The following CLPTM1L variants were observed in gnomAD, a reference collection of about 807,000 sequenced individuals.
The protein encoded by CLPTM1L is lipid scramblase CLPTM1L.
In CLPTM1L, 38 loss-of-function variants were observed where a neutral mutation model predicts 70.9. That is an observed-to-expected ratio of 0.54 (90% confidence interval 0.41 to 0.70). The LOEUF (loss-of-function observed/expected upper bound fraction) is 0.70. Ranked by LOEUF, CLPTM1L falls within the 30% of genes least tolerant of loss-of-function variation. The probability of loss-of-function intolerance (pLI) is 0.00; values close to 1 mark genes in which losing one functional copy is unlikely to be tolerated. For synonymous variants in CLPTM1L, 339 were observed against 299.9 expected (o/e 1.13, Z -1.35); for missense variants, 652 against 705.9 (o/e 0.92, Z 0.87).
chr5:1,339,523 G>A (rs58974658), intron 3 of CLPTM1L, among the ~76,000 whole-genome samples: 166 of 119,176 alleles, frequency 1.4e-3, no homozygotes, highest in African/African-American at 5.4e-3. Flanking sequence ...CAGGGTCAGC[G>A]CCCTAACCTG....
At chr5:1,327,610 T>TCCAGCTCCTCCTCTACAGACACATTCCAC (rs1561235505) in intron 9 of CLPTM1L, among the ~76,000 whole-genome samples, 5 of 148,236 alleles carry the variant, frequency 3.4e-5, no homozygotes, top group South Asian at 2.2e-4. Context: ...ACACATTTCA[T>TCCAGCTCCTCCTCTACAGACACATTCCAC]CCAGCTCCTC....
chr5:1,322,778 T>C, intron 13 of CLPTM1L, 99 bp downstream of exon 13: 1 of 1,276,808 alleles, frequency 7.8e-7, no homozygotes, highest in Middle Eastern at 1.9e-4. Flanking sequence ...TAGCCTCAAA[T>C]CACAGGGGGG....
intron 13 of CLPTM1L, among the ~76,000 whole-genome samples, chr5:1,322,488 T>C (rs1012121634): frequency 1.3e-5 from 2 of 152,218 alleles, no homozygotes; most frequent in African/African-American, 4.8e-5. Flanking sequence ...TGGTGTTGTT[T>C]TAATGCTTAG....
intron 7 of CLPTM1L, among the ~76,000 whole-genome samples, chr5:1,333,536 AG>A (rs1237396132): frequency 7.7e-6 from 1 of 130,144 alleles, no homozygotes; most frequent in African/African-American, 2.9e-5. Context: ...GATGAGGATA[AG>A]GGGGGACTAC....
chr5:1,333,675 G>T (rs1264278795), intron 7 of CLPTM1L, among the ~76,000 whole-genome samples: 2 of 102,938 alleles, frequency 1.9e-5, no homozygotes, highest in Non-Finnish European at 3.7e-5. Context: ...GAGGATAAGG[G>T]GGGACTACTG....
intron 15 of CLPTM1L, 58 bp downstream of exon 15, chr5:1,321,573 AAGAC>A: frequency 6.8e-7 from 1 of 1,465,766 alleles, no homozygotes; most frequent in African/African-American, 1.4e-5. Context: ...TGTTGGCTGG[AAGAC>A]GCCCTTGCTC....
At chr5:1,333,070 G>C (rs1342691902) in intron 7 of CLPTM1L, among the ~76,000 whole-genome samples, 1 of 110,346 alleles carries the variant, frequency 9.1e-6, no homozygotes, top group Non-Finnish European at 1.8e-5. Flanking sequence ...GGATAAGGGG[G>C]GACTACTGTA....
intron 12 of CLPTM1L, among the ~76,000 whole-genome samples, chr5:1,323,532 A>T (rs1428749001): frequency 6.6e-6 from 1 of 152,102 alleles, no homozygotes; most frequent in Admixed American, 6.5e-5. Context: ...GGGCTCCAGG[A>T]CCCCTCTCAG....
intron 5 of CLPTM1L, among the ~76,000 whole-genome samples, chr5:1,336,520 G>T (rs1753587301): frequency 6.6e-6 from 1 of 152,252 alleles, no homozygotes; most frequent in African/African-American, 2.4e-5. Flanking sequence ...CTGAATGCCT[G>T]CAAGGAGTCA....
chr5:1,331,624 T>C, intron 8 of CLPTM1L, 175 bp downstream of exon 8: 1 of 615,638 alleles, frequency 1.6e-6, no homozygotes, highest in East Asian at 2.7e-5. Flanking sequence ...CCACCACAAT[T>C]GCCGCAACGG....
Position 1,341,621 on chromosome 5 carries a change from T to A in CLPTM1L, c.453+50A>T, listed in dbSNP as rs375396849. ...ACCTGTGTGGAGAAAGACATGTCCG[T>A]TCTGACGGAGAGGCACAGCCTGTTA... On this transcript the variant is annotated intron_variant, in intron 3 of 16. Coordinates refer to ENST00000320895, the MANE Select transcript of CLPTM1L (RefSeq NM_030782.5). The A allele has an allele frequency of 6.7e-6, 10 of 1,500,946 alleles. No homozygotes were observed. In the African/African-American group the frequency reaches 1.2e-4, roughly 19 times the overall value. The allele number at this position is 1,500,946 out of a possible 1,614,324, so 93.0% of individuals were successfully genotyped here. A position where few individuals can be genotyped will look rare whatever the true frequency, so the allele number is the denominator to read the frequency against.
intron 2 of CLPTM1L, among the ~76,000 whole-genome samples, chr5:1,344,025 G>A (rs895699071): frequency 6.6e-6 from 1 of 152,220 alleles, no homozygotes; most frequent in Admixed American, 6.5e-5. Context: ...GTTGGTCCCC[G>A]GTAGTGAAAC....
chr5:1,320,462 A>C (rs191064776), intron 16 of CLPTM1L, 154 bp downstream of exon 16: 27 of 490,038 alleles, frequency 5.5e-5, no homozygotes, highest in African/African-American at 5.2e-4. Context: ...CTGGAACCCA[A>C]GTTTAGGCAA....
chr5:1,320,288 C>T, intron 16 of CLPTM1L: 1 of 224,162 alleles, frequency 4.5e-6, no homozygotes, highest in South Asian at 1.3e-4. Flanking sequence ...GCTACGGTCT[C>T]TGTTCTGCTC....
Position 1,320,630 on chromosome 5 carries a change from G to A in CLPTM1L, c.1518C>T (p.Tyr506=). The stretch of plus-strand genomic sequence containing the variant: ...GCCGCACTCACCACCGCTGGTACAG[G>A]TAGACCAGAAACACCACGTCGTCCC... ...CFRDDVVFLV[Y]LYQRWLYPVD... is the part of the protein sequence containing the mutation. The change falls in exon 16 of 17, where the codon TAC becomes TAT. Residue 506 remains tyrosine, a synonymous_variant. Coordinates refer to ENST00000320895, the MANE Select transcript of CLPTM1L (RefSeq NM_030782.5). 6.5e-7 allele frequency: 1 copy of A among 1,542,024 alleles called. No homozygotes were observed. The highest frequency in any genetic ancestry group is 8.8e-7 in the Non-Finnish European group (1 of 1,141,610).
intron 11 of CLPTM1L, among the ~76,000 whole-genome samples, chr5:1,324,411 C>T (rs546741361): frequency 3.9e-5 from 6 of 152,356 alleles, no homozygotes; most frequent in South Asian, 2.1e-4. Context: ...ACTGTGCGGC[C>T]GCGGCCATTA....
rs3222913 is a variant in CLPTM1L at position 1,342,039 on chromosome 5, T to TGTGTGCGCGCGCGCGCGCGCGCGC, written c.264-180_264-179insGCGCGCGCGCGCGCGCGCGCACAC. Among the ~76,000 whole-genome samples, 1 of 148,976 alleles carries TGTGTGCGCGCGCGCGCGCGCGCGC rather than the reference T, an allele frequency of 6.7e-6. No individual in the cohort carries two copies. Among genetic ancestry groups the TGTGTGCGCGCGCGCGCGCGCGCGC allele is most frequent in the African/African-American group, 2.5e-5 (1 of 39,664 alleles). On this transcript the variant is annotated intron_variant, in intron 2 of 16. Coordinates refer to ENST00000320895, the MANE Select transcript of CLPTM1L (RefSeq NM_030782.5). The surrounding 1 kb of genome is among the most constrained non-coding windows in gnomAD (Gnocchi z 4.3). ...GTGTGTGTGTGTGTGTGTGTGTGTG[T>TGTGTGCGCGCGCGCGCGCGCGCGC]GCACGCGCACGCGTGCGCGTCCTGA...
In CLPTM1L at chr5:1,344,444, A is replaced by T; in HGVS notation, c.170T>A (p.Val57Glu). ...LARRPKLQLS[V>E]YTTTRSHLGA... ...CAGGTGGGACCTCGTCGTGGTGTAC[A>T]CGCTCAGCTGGAAAGGAGGGGGCGT... Residue 57 changes from valine to glutamate, a missense_variant, in exon 2 of 17, where the codon GTG (valine) becomes GAG (glutamate). Around this residue, in one of 3 missense-constraint regions of CLPTM1L, gnomAD observed 402 missense variants for 388.2 expected, o/e 1.04. Transcript: ENST00000320895. The T allele has an allele frequency of 1.9e-6, 3 of 1,613,380 alleles. No individual in the cohort carries two copies. The highest frequency in any genetic ancestry group is 1.7e-6 in the Non-Finnish European group (2 of 1,179,698).
At chr5:1,341,364 G>A (rs1300510166) in intron 3 of CLPTM1L, among the ~76,000 whole-genome samples, 3 of 152,174 alleles carry the variant, frequency 2.0e-5, no homozygotes, top group Admixed American at 6.5e-5. Context: ...CAGGACCAGC[G>A]CTCCATCCCA....
Sources: allele counts gnomAD v4.1 joint callset (sites outside exome capture counted in the v4.1 genomes callset), GRCh38; gene constraint gnomAD v4.1.1; regional missense constraint gnomAD v4.1.1; non-coding constraint Gnocchi (gnomAD v3.1); transcripts MANE v1.5; gene names NCBI Gene and HGNC (gene_info 2026-07-23, HGNC 2026-07-21).